ARID5B: variants seen among roughly 807,000 people sequenced by gnomAD.
The protein encoded by ARID5B is AT-rich interactive domain-containing protein 5B.
A neutral mutation model predicts 97.2 loss-of-function variants in ARID5B; 13 were observed. That is an observed-to-expected ratio of 0.13 (90% CI 0.09 to 0.21). The LOEUF (loss-of-function observed/expected upper bound fraction) is 0.21. Among genes scored for constraint, ARID5B ranks in the 10% least tolerant of loss-of-function variants. The pLI is 1.00. For synonymous variants in ARID5B, 556 were observed against 570.3 expected, an observed-to-expected ratio of 0.97 and a Z score of 0.36; for missense variants, 1,210 against 1,465.3, an observed-to-expected ratio of 0.83 and a Z score of 2.84.
intron 7 of ARID5B, among the ~76,000 whole-genome samples, chr10:62,060,273 G>C (rs577416057): frequency 6.6e-6 from 1 of 152,290 alleles, no homozygotes; most frequent in Admixed American, 6.5e-5. Context: ...ATAATGGTTT[G>C]ATGTGCGGGT....
intron 3 of ARID5B, among the ~76,000 whole-genome samples, chr10:61,977,273 T>A (rs977181713): frequency 6.6e-6 from 1 of 152,220 alleles, no homozygotes; most frequent in Non-Finnish European, 1.5e-5. Flanking sequence ...GACATTTGGG[T>A]TGGTTCCAAG....
chr10:61,965,982 T>C (rs1250129194), intron 3 of ARID5B, among the ~76,000 whole-genome samples: 1 of 152,246 alleles, frequency 6.6e-6, no homozygotes, highest in Non-Finnish European at 1.5e-5. Flanking sequence ...GAAAATCTAA[T>C]CCTGTTCTAA....
chr10:61,963,922 C>T (rs1838508577), intron 3 of ARID5B, among the ~76,000 whole-genome samples: 1 of 152,090 alleles, frequency 6.6e-6, no homozygotes, highest in South Asian at 2.1e-4. Context: ...AACACAGAGA[C>T]AGATGTGCCT....
chr10:62,068,470 A>G (rs1840021248), intron 7 of ARID5B, among the ~76,000 whole-genome samples: 1 of 152,162 alleles, frequency 6.6e-6, no homozygotes, highest in Non-Finnish European at 1.5e-5. Context: ...ATATTTAACC[A>G]GCCACCTCCT....
intron 8 of ARID5B, among the ~76,000 whole-genome samples, chr10:62,075,984 A>G (rs1243339891): frequency 1.3e-5 from 2 of 152,210 alleles, no homozygotes; most frequent in Admixed American, 6.5e-5. Flanking sequence ...CTCAGGGGTA[A>G]TGAGAACATA....
At chr10:62,062,048 T>G (rs1180185816) in intron 7 of ARID5B, among the ~76,000 whole-genome samples, 1 of 152,244 alleles carries the variant, frequency 6.6e-6, no homozygotes, top group Non-Finnish European at 1.5e-5. Context: ...GCCACCACTA[T>G]TCTACATTTA....
At chr10:61,927,279 C>T (rs1196621359) in intron 2 of ARID5B, among the ~76,000 whole-genome samples, 1 of 152,170 alleles carries the variant, frequency 6.6e-6, no homozygotes, top group Non-Finnish European at 1.5e-5. Context: ...TAGTTGGTTA[C>T]TTTATCCTAT....
At chr10:61,952,174 A>G (rs906436031) in intron 3 of ARID5B, among the ~76,000 whole-genome samples, 6 of 152,138 alleles carry the variant, frequency 3.9e-5, no homozygotes, top group African/African-American at 1.4e-4. Context: ...CTCTTTAACC[A>G]CATGTACTCA....
intron 3 of ARID5B, among the ~76,000 whole-genome samples, chr10:61,976,411 G>A (rs1388952736): frequency 6.6e-6 from 1 of 152,116 alleles, no homozygotes; most frequent in Non-Finnish European, 1.5e-5. Flanking sequence ...AGGTAAAGTG[G>A]GGTATTTCAT....
chr10:62,036,586 C>T (rs979939343), intron 4 of ARID5B, among the ~76,000 whole-genome samples: 1 of 152,196 alleles, frequency 6.6e-6, no homozygotes, highest in African/African-American at 2.4e-5. Flanking sequence ...TATGTTTTGG[C>T]ATATGAACAC....
At chr10:61,988,854 T>C (rs1366594956) in intron 3 of ARID5B, among the ~76,000 whole-genome samples, 1 of 152,084 alleles carries the variant, frequency 6.6e-6, no homozygotes, top group African/African-American at 2.4e-5. Context: ...ATGCTATAAA[T>C]GTAAAATACA....
intron 3 of ARID5B, among the ~76,000 whole-genome samples, chr10:61,981,373 C>G (rs1300503743): frequency 6.6e-6 from 1 of 152,086 alleles, no homozygotes; most frequent in Non-Finnish European, 1.5e-5. Flanking sequence ...TCTCTGCCTC[C>G]CGGGTTCAAG....
chr10:62,010,017 CTT>C (rs759248121), intron 4 of ARID5B, among the ~76,000 whole-genome samples: 77 of 152,332 alleles, frequency 5.1e-4, no homozygotes, highest in Admixed American at 2.1e-3. Flanking sequence ...AGCAAAAACT[CTT>C]TTTCTTTTCC....
chr10:62,083,909 A>T (rs1160822916), intron 8 of ARID5B, among the ~76,000 whole-genome samples: 2 of 152,272 alleles, frequency 1.3e-5, no homozygotes, highest in African/African-American at 4.8e-5. Flanking sequence ...TATGAACAGG[A>T]TTGCTTTTTT....
At chr10:61,971,520 C>T (rs1327573223) in intron 3 of ARID5B, among the ~76,000 whole-genome samples, 1 of 152,186 alleles carries the variant, frequency 6.6e-6, no homozygotes, top group South Asian at 2.1e-4. Context: ...AATTTTCGAT[C>T]TCAGTTAAGG....
At chr10:61,930,722 A>AAAAAAAAAAAATAAATAAAT (rs368165490) in intron 2 of ARID5B, among the ~76,000 whole-genome samples, 1 of 140,358 alleles carries the variant, frequency 7.1e-6, no homozygotes, top group Admixed American at 7.2e-5. Flanking sequence ...TCCGCCTCAA[A>AAAAAAAAAAAATAAATAAAT]AAATAAATAA....
intron 7 of ARID5B, among the ~76,000 whole-genome samples, chr10:62,067,855 G>A (rs1000946690): frequency 6.6e-6 from 1 of 152,200 alleles, no homozygotes; most frequent in Non-Finnish European, 1.5e-5. Flanking sequence ...TGTCATGGAT[G>A]CGAAAATCCT....
intron 8 of ARID5B, among the ~76,000 whole-genome samples, chr10:62,074,788 A>G (rs944808800): frequency 6.6e-6 from 1 of 152,200 alleles, no homozygotes; most frequent in African/African-American, 2.4e-5. Flanking sequence ...GTGCTACTCA[A>G]ATGAGATTTT....
chr10:61,933,553 A>G (rs1354344120), intron 2 of ARID5B, among the ~76,000 whole-genome samples: 2 of 152,224 alleles, frequency 1.3e-5, no homozygotes, highest in Non-Finnish European at 2.9e-5. Flanking sequence ...TCCTTGATCC[A>G]TGGACTGCAG....
Sources: allele counts gnomAD v4.1 joint callset (sites outside exome capture counted in the v4.1 genomes callset), GRCh38; gene constraint gnomAD v4.1.1; transcripts MANE v1.5; gene names NCBI Gene and HGNC (gene_info 2026-07-23, HGNC 2026-07-21).